The following STK24 variants were observed in gnomAD, a reference collection of about 807,000 sequenced individuals.
STK24 encodes serine/threonine kinase 24, also known as serine/threonine-protein kinase 24.
A neutral mutation model predicts 55.6 loss-of-function variants in STK24; 21 were observed. That is an observed-to-expected ratio of 0.38 (90% CI 0.27 to 0.54). STK24 has a LOEUF of 0.54. STK24 is among the 20% of genes least tolerant of loss of function. STK24 has a pLI of 0.79. For missense variants in STK24, 383 were observed against 538.4 expected (o/e 0.71, Z 2.86); for synonymous variants, 200 against 215.2 (o/e 0.93, Z 0.62).
chr13:98,570,887 G>T lies in STK24; in HGVS notation c.42+5858C>A, dbSNP rs534092810. On this transcript the variant is annotated intron_variant, in intron 1 of 10. Coordinates refer to ENST00000539966, the MANE Select transcript of STK24 (RefSeq NM_001032296.4). ...TGCTACAAACTACTCCGACGACAGTGGCTGATTCTACGCGATGAGACATGG... is the reference window on the plus strand; with the variant it reads ...TGCTACAAACTACTCCGACGACAGTTGCTGATTCTACGCGATGAGACATGG... 9.5e-4 allele frequency among the ~76,000 whole-genome samples: 144 copies of T among 152,264 alleles called. 1 individual carries two copies. The South Asian group carries it at 0.015, about 16-fold the overall frequency.
intron 5 of STK24, among the ~76,000 whole-genome samples, chr13:98,469,533 A>T (rs1242174871): frequency 1.8e-5 from 2 of 111,218 alleles, no homozygotes; most frequent in South Asian, 5.3e-4. Context: ...AAGACCCTGC[A>T]TCCCCCCCCC....
chr13:98,522,001 C>G, intron 1 of STK24: 2 of 1,436,652 alleles, frequency 1.4e-6, no homozygotes, highest in Non-Finnish European at 1.8e-6. Context: ...AACCCAAAGC[C>G]CTCCTCCTCC....
intron 2 of STK24, among the ~76,000 whole-genome samples, chr13:98,498,765 C>T (rs969303894): frequency 6.6e-6 from 1 of 152,192 alleles, no homozygotes; most frequent in African/African-American, 2.4e-5. Context: ...ATTACCTGCC[C>T]ATGTCCTCCT....
At chr13:98,464,099 G>A (rs1430230437) in intron 6 of STK24, among the ~76,000 whole-genome samples, 6 of 152,156 alleles carry the variant, frequency 3.9e-5, no homozygotes, top group Non-Finnish European at 8.8e-5. Flanking sequence ...TCTGCACAGA[G>A]CTTCACAGGG....
chr13:98,510,787 C>G (rs1895854731), intron 2 of STK24, among the ~76,000 whole-genome samples: 1 of 152,196 alleles, frequency 6.6e-6, no homozygotes. Context: ...GGTAGAGTAT[C>G]TTTCGAGGGG....
At chr13:98,474,768 C>T (rs1303492862) in intron 5 of STK24, 53 bp downstream of exon 5, 11 of 1,538,456 alleles carry the variant, frequency 7.2e-6, no homozygotes, top group East Asian at 2.3e-5. Context: ...GAACAAAAGG[C>T]GGGAGCCCTC....
chr13:98,448,285 G>C lies in STK24; in HGVS notation c.*4888C>G, dbSNP rs781221529. ...CACCAGCTCTGCCTCGCGACCCCAC[G>C]TGTTGAGTCACAAAGAGTCTCTTGT... On this transcript the variant is annotated 3_prime_UTR_variant, in exon 11 of 11. Coordinates refer to ENST00000539966, the MANE Select transcript of STK24 (RefSeq NM_001032296.4). 1 of 1,614,196 alleles carries C rather than the reference G, an allele frequency of 6.2e-7. No homozygotes were observed. The highest frequency in any genetic ancestry group is 8.5e-7 in the Non-Finnish European group (1 of 1,179,996).
intron 7 of STK24, among the ~76,000 whole-genome samples, 157 bp downstream of exon 7, chr13:98,463,534 A>G (rs1893799133): frequency 6.6e-6 from 1 of 152,046 alleles, no homozygotes; most frequent in South Asian, 2.1e-4. Flanking sequence ...CAACTCCCAA[A>G]CAGGCCCAGG....
chr13:98,504,211 AAAAC>A (rs1205125847), intron 2 of STK24, among the ~76,000 whole-genome samples: 2 of 152,152 alleles, frequency 1.3e-5, no homozygotes, highest in Non-Finnish European at 2.9e-5. Flanking sequence ...AGACAAAAAA[AAAAC>A]AAACTTTAAA....
intron 1 of STK24, among the ~76,000 whole-genome samples, chr13:98,526,299 C>T (rs1896426896): frequency 2.0e-5 from 3 of 152,180 alleles, no homozygotes. Flanking sequence ...CATTTTCCCC[C>T]TGCAGTGCAC....
At chr13:98,576,365 G>T (rs1897893206) in intron 1 of STK24, 1 of 339,610 alleles carries the variant, frequency 2.9e-6, no homozygotes, top group Non-Finnish European at 4.2e-6. Context: ...CACCACGCAG[G>T]GCCCCGGGAC....
intron 3 of STK24, among the ~76,000 whole-genome samples, chr13:98,475,649 C>T (rs1187238496): frequency 4.0e-5 from 6 of 151,886 alleles, no homozygotes; most frequent in Non-Finnish European, 1.5e-5. Context: ...GACCACAGGG[C>T]GACCCCCTGG....
intron 2 of STK24, among the ~76,000 whole-genome samples, chr13:98,485,842 C>G (rs1363527091): frequency 6.6e-6 from 1 of 152,240 alleles, no homozygotes; most frequent in Non-Finnish European, 1.5e-5. Context: ...CCGCTAGACA[C>G]AGGCAGCAGC....
At chr13:98,516,023 A>G (rs748841388) in intron 2 of STK24, among the ~76,000 whole-genome samples, 11 of 152,194 alleles carry the variant, frequency 7.2e-5, no homozygotes, top group Non-Finnish European at 1.5e-4. Flanking sequence ...CCTCCTTGAC[A>G]TTAGGACCAC....
chr13:98,501,956 C>A (rs1895480365), intron 2 of STK24, among the ~76,000 whole-genome samples: 2 of 152,190 alleles, frequency 1.3e-5, no homozygotes, highest in South Asian at 4.1e-4. Flanking sequence ...GAGGTTCTTG[C>A]AGAGTCCCCT....
At chr13:98,540,763 C>CAAAAAAAAAAAA (rs35957882) in intron 1 of STK24, among the ~76,000 whole-genome samples, 1 of 58,870 alleles carries the variant, frequency 1.7e-5, no homozygotes, top group Non-Finnish European at 3.3e-5. Context: ...ATATTAAAAG[C>CAAAAAAAAAAAA]AAAAAAAAAA....
Position 98,446,035 on chromosome 13 carries a change from G to A in STK24, c.*7138C>T. The A allele has an allele frequency of 8.9e-7, 1 of 1,129,090 alleles. No homozygotes were observed. The highest frequency in any genetic ancestry group is 1.3e-6 in the Non-Finnish European group (1 of 746,816). 69.9% of individuals were successfully genotyped at this position (1,129,090 alleles called of 1,614,324 possible). A position where few individuals can be genotyped will look rare whatever the true frequency, so the allele number is the denominator to read the frequency against. The stretch of plus-strand genomic sequence containing the variant: ...CCAGGGCCCTGGTGCAGGGAGAGCT[G>A]CTCTCTGTGCCCTCCTGGGGCAGGT... On this transcript the variant is annotated 3_prime_UTR_variant, in exon 11 of 11. Coordinates refer to ENST00000539966, the MANE Select transcript of STK24 (RefSeq NM_001032296.4).
chr13:98,516,751 G>A (rs1442046285), intron 2 of STK24, among the ~76,000 whole-genome samples: 1 of 152,208 alleles, frequency 6.6e-6, no homozygotes, highest in African/African-American at 2.4e-5. Context: ...GTGTCTGAAG[G>A]AAAACAGCCC....
chr13:98,454,136 G>A (rs1391306306), intron 10 of STK24: 2 of 152,174 alleles, frequency 1.3e-5, no homozygotes, highest in African/African-American at 2.4e-5. Context: ...AATCTTCTTT[G>A]CACTATAAGG....
Sources: allele counts gnomAD v4.1 joint callset (sites outside exome capture counted in the v4.1 genomes callset), GRCh38; gene constraint gnomAD v4.1.1; transcripts MANE v1.5; gene names NCBI Gene and HGNC (gene_info 2026-07-23, HGNC 2026-07-21).